SIPA1L3: variants seen among roughly 807,000 people sequenced by gnomAD.
The protein encoded by SIPA1L3 is signal induced proliferation associated 1 like 3.
A neutral mutation model predicts 150.1 loss-of-function variants in SIPA1L3; 59 were observed. The ratio of observed to expected loss-of-function variants is 0.39; its 90% confidence interval spans 0.32 to 0.49. The LOEUF (loss-of-function observed/expected upper bound fraction) is 0.49, where lower values mean the gene tolerates loss of function less well. Among genes scored for constraint, SIPA1L3 ranks in the 20% least tolerant of loss-of-function variants. SIPA1L3 has a pLI of 0.86. For missense variants in SIPA1L3, 2,211 were observed against 2,489.5 expected (o/e 0.89, Z 2.38); for synonymous variants, 1,070 against 1,077.6 (o/e 0.99, Z 0.14).
In SIPA1L3 at chr19:38,010,883, G is replaced by T. The variant is rs527555317; in HGVS notation, c.-378-18206G>T. 2.0e-5 allele frequency among the ~76,000 whole-genome samples: 3 copies of T among 152,262 alleles called. No individual in the cohort carries two copies. The East Asian group carries it at 5.8e-4, about 29-fold the overall frequency. ...ACACAACCTTCTTCCAAGGATGGTT[G>T]TGAGTATTCATCAAGATTGTGCTGA... On this transcript the variant is annotated intron_variant, in intron 1 of 21. Coordinates refer to ENST00000222345, the MANE Select transcript of SIPA1L3 (RefSeq NM_015073.3).
In SIPA1L3 at chr19:38,164,541, C is replaced by G; in HGVS notation, c.3843C>G (p.Ser1281Arg). 6.2e-7 allele frequency: 1 copy of G among 1,614,078 alleles called. No individual in the cohort carries two copies. Among genetic ancestry groups the G allele is most frequent in the Non-Finnish European group, 8.5e-7 (1 of 1,179,934 alleles). ...CCCTCTCCAGCAACGCATCCAGCAGCCACAGCGACGACCGCTGGTTCGACC... is the reference window on the plus strand; with the variant it reads ...CCCTCTCCAGCAACGCATCCAGCAGGCACAGCGACGACCGCTGGTTCGACC... ...SNTLSSNASS[S>R]HSDDRWFDPL... The change falls in exon 15 of 22, where the codon AGC becomes AGG. Residue 1281 changes from serine (S) to arginine (R), a missense_variant. Around this residue, in one of 5 missense-constraint regions of SIPA1L3, gnomAD observed 806 missense variants for 870.1 expected, o/e 0.93. Coordinates refer to ENST00000222345, the MANE Select transcript of SIPA1L3 (RefSeq NM_015073.3). This position sits in a 1 kb window ranked among gnomAD's most constrained non-coding sequence, Gnocchi z 4.1.
intron 10 of SIPA1L3, among the ~76,000 whole-genome samples, chr19:38,136,753 A>C (rs1170422738): frequency 6.6e-6 from 1 of 152,178 alleles, no homozygotes; most frequent in East Asian, 1.9e-4. Flanking sequence ...GGGCCCAGGA[A>C]TCTTCATTAT....
At chr19:38,179,461 T>A (rs879278861) in intron 15 of SIPA1L3, among the ~76,000 whole-genome samples, 4 of 152,120 alleles carry the variant, frequency 2.6e-5, no homozygotes, top group African/African-American at 9.7e-5. Context: ...AAATAAAAAA[T>A]ATATATAATT....
At chr19:38,107,900 C>T (rs1970656801) in intron 7 of SIPA1L3, among the ~76,000 whole-genome samples, 1 of 152,036 alleles carries the variant, frequency 6.6e-6, no homozygotes, top group Admixed American at 6.6e-5. Flanking sequence ...TTGCTTGAAC[C>T]CAAGAGGCAG....
At chr19:37,968,671 G>C (rs1360728274) in intron 1 of SIPA1L3, among the ~76,000 whole-genome samples, 1 of 152,154 alleles carries the variant, frequency 6.6e-6, no homozygotes, top group Non-Finnish European at 1.5e-5. Context: ...ACTAATGCTG[G>C]GTTTTTCTCC....
At chr19:38,174,795 C>A (rs900711328) in intron 15 of SIPA1L3, among the ~76,000 whole-genome samples, 11 of 151,170 alleles carry the variant, frequency 7.3e-5, no homozygotes, top group African/African-American at 2.7e-4. Context: ...GATGGCACCA[C>A]TGGACTCCAG....
rs1969091962 is a variant in SIPA1L3 at position 38,047,672 on chromosome 19, G to C, written c.-311+18516G>C. On this transcript the variant is annotated intron_variant, in intron 2 of 21. Transcript: ENST00000222345. This position sits in a 1 kb window ranked among gnomAD's most constrained non-coding sequence, Gnocchi z 4.7. Reference sequence around the variant, plus strand: ...AGCGCACGCTCCTTTGCCCGCCCCTGCCACACTGGTATCTTTCCCTTGATG... The same window carrying C: ...AGCGCACGCTCCTTTGCCCGCCCCTCCCACACTGGTATCTTTCCCTTGATG... Among the ~76,000 whole-genome samples, 1 of 152,214 alleles carries C rather than the reference G, an allele frequency of 6.6e-6. No individual in the cohort carries two copies.
chr19:38,184,332 C>T (rs1191825431), intron 16 of SIPA1L3: 1 of 152,294 alleles, frequency 6.6e-6, no homozygotes, highest in Non-Finnish European at 1.5e-5. Context: ...GCATGCGCCA[C>T]CAAGCCCGGC....
At chr19:38,065,503 C>A (rs1969552770) in intron 2 of SIPA1L3, among the ~76,000 whole-genome samples, 1 of 151,578 alleles carries the variant, frequency 6.6e-6, no homozygotes, top group African/African-American at 2.4e-5. Context: ...ACAACCTCCA[C>A]CTCCTGGGTT....
At chr19:38,148,049 A>G (rs1040178968) in intron 12 of SIPA1L3, among the ~76,000 whole-genome samples, 3 of 101,610 alleles carry the variant, frequency 3.0e-5, no homozygotes, top group Admixed American at 1.8e-4. Context: ...TCCCAAAATA[A>G]TTAATTAATT....
rs1272228782 is a variant in SIPA1L3 at position 38,000,983 on chromosome 19, C to CAT, written c.-378-28105_-378-28104insTA. On this transcript the variant is annotated intron_variant, in intron 1 of 21. Transcript: ENST00000222345. ...TAACACATATATAACATATATAACA[C>CAT]ACATATATATAACACATCAATCATA... 9.2e-3 allele frequency among the ~76,000 whole-genome samples: 1,337 copies of CAT among 145,288 alleles called. 30 individuals carry two copies. Among genetic ancestry groups the CAT allele is most frequent in the East Asian group, 0.042 (210 of 5,010 alleles).
chr19:38,143,850 TA>T (rs1256872014), intron 12 of SIPA1L3, among the ~76,000 whole-genome samples: 1 of 152,056 alleles, frequency 6.6e-6, no homozygotes, highest in Non-Finnish European at 1.5e-5. Flanking sequence ...GATCTTTCTA[TA>T]CCTGAACATG....
intron 1 of SIPA1L3, among the ~76,000 whole-genome samples, chr19:37,937,782 C>T (rs957640203): frequency 1.1e-5 from 1 of 89,086 alleles, no homozygotes; most frequent in Non-Finnish European, 2.4e-5. Flanking sequence ...CACGGTGGCT[C>T]ACACCTGTAA....
At chr19:37,988,359 T>G (rs1967414863) in intron 1 of SIPA1L3, among the ~76,000 whole-genome samples, 1 of 151,738 alleles carries the variant, frequency 6.6e-6, no homozygotes, top group Non-Finnish European at 1.5e-5. Flanking sequence ...TACAAAAAAT[T>G]TTATAATTTT....
chr19:38,085,512 A>C (rs1378167213), intron 3 of SIPA1L3, among the ~76,000 whole-genome samples: 2 of 151,702 alleles, frequency 1.3e-5, no homozygotes, highest in Non-Finnish European at 2.9e-5. Context: ...AGTTCCAGAC[A>C]GTTGCTTACA....
At chr19:38,200,042 A>G (rs537020412) in intron 19 of SIPA1L3, 1 of 152,220 alleles carries the variant, frequency 6.6e-6, no homozygotes, top group East Asian at 1.9e-4. Context: ...CAGCCTGGGC[A>G]TCGTAGCGAC....
At chr19:38,044,377 C>T (rs965582890) in intron 2 of SIPA1L3, among the ~76,000 whole-genome samples, 22 of 152,168 alleles carry the variant, frequency 1.4e-4, no homozygotes, top group African/African-American at 4.8e-4. Flanking sequence ...CGAGGAGAGC[C>T]GTGTGGATGG....
intron 2 of SIPA1L3, among the ~76,000 whole-genome samples, chr19:38,050,879 C>T (rs961548103): frequency 1.3e-5 from 2 of 151,910 alleles, no homozygotes; most frequent in Non-Finnish European, 2.9e-5. Flanking sequence ...GGCAACATGG[C>T]GAAACCCCAT....
At chr19:37,970,933 G>A (rs1418648948) in intron 1 of SIPA1L3, among the ~76,000 whole-genome samples, 1 of 152,166 alleles carries the variant, frequency 6.6e-6, no homozygotes, top group East Asian at 1.9e-4. Context: ...TTCCTGGGGT[G>A]TTGCTTTCAT....
Sources: allele counts gnomAD v4.1 joint callset (sites outside exome capture counted in the v4.1 genomes callset), GRCh38; gene constraint gnomAD v4.1.1; regional missense constraint gnomAD v4.1.1; non-coding constraint Gnocchi (gnomAD v3.1); transcripts MANE v1.5; gene names NCBI Gene and HGNC (gene_info 2026-07-23, HGNC 2026-07-21).